The following THRAP3 variants were observed in gnomAD, a reference collection of about 807,000 sequenced individuals.
THRAP3 encodes thyroid hormone receptor associated protein 3.
In THRAP3, 16 loss-of-function variants were observed where a neutral mutation model predicts 101.0. The observed-to-expected ratio is 0.16, with a 90% CI of 0.11 to 0.24. The LOEUF (loss-of-function observed/expected upper bound fraction) is 0.24. Among genes scored for constraint, THRAP3 ranks in the 10% least tolerant of loss-of-function variants. THRAP3 has a pLI of 1.00. For missense variants in THRAP3, 989 were observed against 1,202.7 expected, an observed-to-expected ratio of 0.82 and a Z score of 2.63; for synonymous variants, 407 against 422.6, an observed-to-expected ratio of 0.96 and a Z score of 0.45.
chr1:36,290,270 AC>A (rs1645850665), intron 5 of THRAP3, among the ~76,000 whole-genome samples: 1 of 150,554 alleles, frequency 6.6e-6, no homozygotes, highest in African/African-American at 2.5e-5. Context: ...ATCTCCACTC[AC>A]CGCAAGCTCC....
At chr1:36,274,078 A>T (rs1267239346) in intron 2 of THRAP3, among the ~76,000 whole-genome samples, 5 of 1,564 alleles carry the variant, frequency 3.2e-3, no homozygotes, top group Admixed American at 0.011. Flanking sequence ...TGTGTGTGTC[A>T]CACACACACA....
At chr1:36,215,689 T>A in the THRAP3 span, among the ~76,000 whole-genome samples, 1 of 152,142 alleles carries the variant, frequency 6.6e-6, no homozygotes, top group Non-Finnish European at 1.5e-5. Flanking sequence ...ATAACATGAA[T>A]GCATTTATGG....
intron 9 of THRAP3, among the ~76,000 whole-genome samples, chr1:36,297,982 T>A: frequency 7.1e-6 from 1 of 141,130 alleles, no homozygotes; most frequent in African/African-American, 2.5e-5. Flanking sequence ...CTGTCTCTAC[T>A]GAAAAAAAAA....
chr1:36,280,050 C>T (rs1380029122), intron 2 of THRAP3, among the ~76,000 whole-genome samples: 1 of 152,046 alleles, frequency 6.6e-6, no homozygotes, highest in Non-Finnish European at 1.5e-5. Context: ...TTTGGGAGGC[C>T]AGGGCAGGAG....
upstream of THRAP3, among the ~76,000 whole-genome samples, chr1:36,224,110 G>A (rs568083904): frequency 5.9e-5 from 9 of 152,322 alleles, no homozygotes; most frequent in South Asian, 1.9e-3. Context: ...GGAGTGGGTG[G>A]GGCTCAGACT....
intron 1 of THRAP3, among the ~76,000 whole-genome samples, chr1:36,247,955 C>G (rs1169983481): frequency 6.6e-6 from 1 of 150,446 alleles, no homozygotes. Flanking sequence ...TCTTGGCTCA[C>G]TGCAACCTCC....
Position 36,282,664 on chromosome 1 carries a change from G to A in THRAP3, c.101G>A (p.Ser34Asn), listed in dbSNP as rs1167123860. The change falls in exon 3 of 12, where the codon AGC becomes AAC. Residue 34 changes from serine to asparagine, a missense_variant. Physicochemically the swap from Ser to Asn is conservative, Grantham distance 46. Transcript: ENST00000354618. ...SRSFSKSRSR[S>N]RSLSRSRKRR... is the part of the protein sequence containing the mutation. ...TCATTTTCGAAGTCTCGGTCCCGAAGCCGATCTCTCTCTCGTTCAAGGAAG... is the reference window on the plus strand; with the variant it reads ...TCATTTTCGAAGTCTCGGTCCCGAAACCGATCTCTCTCTCGTTCAAGGAAG... 1.2e-6 allele frequency: 2 copies of A among 1,614,180 alleles called. No homozygotes were observed. The highest frequency in any genetic ancestry group is 1.7e-6 in the Non-Finnish European group (2 of 1,180,034).
intron 9 of THRAP3, among the ~76,000 whole-genome samples, chr1:36,298,856 C>G (rs965292393): frequency 6.6e-6 from 1 of 152,110 alleles, no homozygotes; most frequent in Non-Finnish European, 1.5e-5. Flanking sequence ...CGCAGTGATG[C>G]AATCACTGGC....
At chr1:36,281,438 T>A (rs1645730308) in intron 2 of THRAP3, among the ~76,000 whole-genome samples, 2 of 152,240 alleles carry the variant, frequency 1.3e-5, no homozygotes, top group Admixed American at 1.3e-4. Flanking sequence ...TTCTTGGTCA[T>A]CTCTTACAGT....
intron 1 of THRAP3, among the ~76,000 whole-genome samples, chr1:36,257,933 C>T (rs762384999): frequency 4.6e-5 from 7 of 152,088 alleles, no homozygotes; most frequent in African/African-American, 1.7e-4. Flanking sequence ...CTCTGCTTCC[C>T]GAGTTCAAGG....
intron 1 of THRAP3, among the ~76,000 whole-genome samples, chr1:36,257,593 G>A (rs1403346750): frequency 1.3e-5 from 2 of 152,160 alleles, no homozygotes; most frequent in African/African-American, 4.8e-5. Flanking sequence ...GGCAGGGGGT[G>A]ACTCAGGGTT....
intron 1 of THRAP3, among the ~76,000 whole-genome samples, chr1:36,228,025 G>A (rs1029334657): frequency 3.4e-5 from 5 of 148,436 alleles, no homozygotes; most frequent in South Asian, 4.3e-4. Flanking sequence ...ACAGGCACCC[G>A]CCACCACACG....
chr1:36,262,786 A>C (rs1294644067), intron 2 of THRAP3, among the ~76,000 whole-genome samples: 4 of 130,528 alleles, frequency 3.1e-5, no homozygotes, highest in Non-Finnish European at 7.1e-5. Flanking sequence ...ATTTTATTTT[A>C]TTTATTTATT....
At chr1:36,299,702 T>TTTC (rs1014464418) in intron 9 of THRAP3, among the ~76,000 whole-genome samples, 14 of 151,856 alleles carry the variant, frequency 9.2e-5, no homozygotes, top group African/African-American at 3.4e-4. Context: ...AGAGATGGGG[T>TTTC]TTCGCCATGT....
chr1:36,210,595 C>G, the THRAP3 span, among the ~76,000 whole-genome samples: 1 of 137,306 alleles, frequency 7.3e-6, no homozygotes. Flanking sequence ...GGAGCTGAGG[C>G]AGGGAAATTG....
rs766117316 is a variant in THRAP3 at position 36,234,161 on chromosome 1, C to T, written c.-135+9656C>T. Among the ~76,000 whole-genome samples, 42 of 152,154 alleles carry T rather than the reference C, an allele frequency of 2.8e-4. 1 individual carries two copies. The highest frequency in any genetic ancestry group is 1.0e-3 in the South Asian group (5 of 4,812). On this transcript the variant is annotated intron_variant, in intron 1 of 11. Transcript: ENST00000354618. ...ATAGAGACAGGGTTTCACCATGTTGCCCAGGCTGGTCTCGAACTCCTTCCT... is the reference window on the plus strand; with the variant it reads ...ATAGAGACAGGGTTTCACCATGTTGTCCAGGCTGGTCTCGAACTCCTTCCT...
chr1:36,249,094 G>T (rs78351122), intron 1 of THRAP3, among the ~76,000 whole-genome samples: 8,026 of 151,508 alleles, frequency 0.053, 265 homozygotes, highest in Middle Eastern at 0.17. Flanking sequence ...CACCATGTTA[G>T]CCAGGCTGGT....
intron 2 of THRAP3, among the ~76,000 whole-genome samples, chr1:36,266,335 A>AAAC (rs532212903): frequency 9.9e-5 from 15 of 152,140 alleles, no homozygotes; most frequent in Middle Eastern, 3.4e-3. Flanking sequence ...CAAAAATGAC[A>AAAC]AACAACAACA....
chr1:36,219,592 C>CTT, upstream of THRAP3, among the ~76,000 whole-genome samples: 1 of 143,488 alleles, frequency 7.0e-6, no homozygotes, highest in Admixed American at 7.0e-5. Context: ...GCCCAGCTAA[C>CTT]TTTTTTTTTT....
Sources: allele counts gnomAD v4.1 joint callset (sites outside exome capture counted in the v4.1 genomes callset), GRCh38; gene constraint gnomAD v4.1.1; transcripts MANE v1.5; gene names NCBI Gene and HGNC (gene_info 2026-07-23, HGNC 2026-07-21).